Variants in HMBOX1 observed in about 807,000 individuals in gnomAD.
HMBOX1 encodes homeobox containing 1.
In HMBOX1, 14 loss-of-function variants were observed where a neutral mutation model predicts 54.5. The observed-to-expected ratio is 0.26, with a 90% CI of 0.17 to 0.40. The LOEUF (loss-of-function observed/expected upper bound fraction) is 0.40, where lower values mean the gene tolerates loss of function less well. HMBOX1 is among the 10% of genes least tolerant of loss of function. The pLI, the probability that HMBOX1 is intolerant of heterozygous loss-of-function variation, is 1.00. For missense variants in HMBOX1, 332 were observed against 514.4 expected (o/e 0.65, Z 3.43); for synonymous variants, 160 against 181.0 (o/e 0.88, Z 0.93).
intron 1 of HMBOX1, among the ~76,000 whole-genome samples, chr8:28,894,012 T>TA (rs909971559): frequency 6.6e-6 from 1 of 152,226 alleles, no homozygotes; most frequent in African/African-American, 2.4e-5. Context: ...CTCAACTTTT[T>TA]AAATACATGA....
chr8:29,042,167 T>C (rs557349970), intron 6 of HMBOX1, among the ~76,000 whole-genome samples: 1 of 152,018 alleles, frequency 6.6e-6, no homozygotes, highest in African/African-American at 2.4e-5. Context: ...ATATGTATTA[T>C]AAAAACAGTG....
chr8:29,048,194 C>T (rs577223186), intron 8 of HMBOX1, among the ~76,000 whole-genome samples: 44 of 152,176 alleles, frequency 2.9e-4, no homozygotes, highest in East Asian at 9.6e-4. Flanking sequence ...AGACAAGGAA[C>T]GCAGCAAAAG....
intron 1 of HMBOX1, among the ~76,000 whole-genome samples, chr8:28,894,991 A>C (rs1811820407): frequency 6.6e-6 from 1 of 151,828 alleles, no homozygotes; most frequent in African/African-American, 2.4e-5. Context: ...TGAAGTGATC[A>C]ATTATTTTAA....
intron 6 of HMBOX1, among the ~76,000 whole-genome samples, chr8:29,036,085 C>T (rs1803811216): frequency 6.6e-6 from 1 of 152,158 alleles, no homozygotes; most frequent in African/African-American, 2.4e-5. Context: ...ATAAAGTGTA[C>T]TAAAAACTCA....
chr8:29,018,012 TATG>T (rs1364754186), intron 5 of HMBOX1, among the ~76,000 whole-genome samples: 1 of 152,208 alleles, frequency 6.6e-6, no homozygotes, highest in Admixed American at 6.5e-5. Context: ...AGAAGACCGA[TATG>T]ATCATAATTA....
At chr8:28,940,713 T>G (rs577703460) in intron 1 of HMBOX1, among the ~76,000 whole-genome samples, 2 of 152,328 alleles carry the variant, frequency 1.3e-5, no homozygotes, top group South Asian at 4.1e-4. Flanking sequence ...GATACGTAAT[T>G]TATCTCTTAA....
At chr8:29,038,646 T>C (rs1178453713) in intron 6 of HMBOX1, among the ~76,000 whole-genome samples, 1 of 152,144 alleles carries the variant, frequency 6.6e-6, no homozygotes, top group Non-Finnish European at 1.5e-5. Flanking sequence ...GAATGCATTT[T>C]ATCACCATTC....
chr8:28,903,072 C>A (rs1437728437), intron 1 of HMBOX1, among the ~76,000 whole-genome samples: 1 of 152,016 alleles, frequency 6.6e-6, no homozygotes, highest in Admixed American at 6.6e-5. Flanking sequence ...ATAATATAAC[C>A]ATTTACCCAC....
chr8:28,986,365 C>T (rs1381861993), intron 4 of HMBOX1, among the ~76,000 whole-genome samples: 1 of 152,188 alleles, frequency 6.6e-6, no homozygotes, highest in Non-Finnish European at 1.5e-5. Flanking sequence ...AATAAAGCTG[C>T]TATAAACAAG....
At chr8:29,048,491 T>C (rs1805940955) in intron 8 of HMBOX1, 1 of 152,316 alleles carries the variant, frequency 6.6e-6, no homozygotes, top group Non-Finnish European at 1.5e-5. Context: ...TGTTGGTTTT[T>C]AGCTTCTAAA....
intron 1 of HMBOX1, among the ~76,000 whole-genome samples, chr8:28,952,158 TAAA>T (rs3053470): frequency 4.7e-5 from 6 of 127,800 alleles, no homozygotes; most frequent in Non-Finnish European, 3.2e-5. Context: ...GACCCTATCT[TAAA>T]AAAAAAAAAA....
At chr8:29,017,540 A>G (rs1427297571) in intron 5 of HMBOX1, among the ~76,000 whole-genome samples, 1 of 152,254 alleles carries the variant, frequency 6.6e-6, no homozygotes, top group Non-Finnish European at 1.5e-5. Flanking sequence ...TATTTTGAAG[A>G]TAAAATGAAC....
At chr8:28,929,115 A>G (rs1173957301) in intron 1 of HMBOX1, among the ~76,000 whole-genome samples, 1 of 152,220 alleles carries the variant, frequency 6.6e-6, no homozygotes, top group East Asian at 1.9e-4. Context: ...CCTTAAATAC[A>G]TATAATTTCT....
intron 1 of HMBOX1, among the ~76,000 whole-genome samples, chr8:28,948,327 C>T (rs553664603): frequency 3.3e-5 from 5 of 152,214 alleles, no homozygotes; most frequent in African/African-American, 1.2e-4. Flanking sequence ...ACCCATGCAA[C>T]AGGTGCTTAG....
intron 1 of HMBOX1, among the ~76,000 whole-genome samples, chr8:28,900,377 C>G (rs1028213683): frequency 6.7e-6 from 1 of 149,498 alleles, no homozygotes; most frequent in Non-Finnish European, 1.5e-5. Flanking sequence ...TCAGGTAATT[C>G]TAATTGGTAT....
At chr8:28,913,883 G>A (rs1201963602) in intron 1 of HMBOX1, among the ~76,000 whole-genome samples, 2 of 147,036 alleles carry the variant, frequency 1.4e-5, no homozygotes, top group Non-Finnish European at 3.0e-5. Context: ...TTTTGCGGGG[G>A]CGGAGGGATG....
intron 1 of HMBOX1, among the ~76,000 whole-genome samples, chr8:28,931,200 C>G (rs1464293327): frequency 6.6e-6 from 1 of 152,066 alleles, no homozygotes; most frequent in Admixed American, 6.5e-5. Context: ...TTTTCAACAC[C>G]TAATATATAT....
intron 6 of HMBOX1, among the ~76,000 whole-genome samples, chr8:29,032,741 T>C (rs1439036478): frequency 1.3e-5 from 2 of 152,214 alleles, no homozygotes; most frequent in Non-Finnish European, 2.9e-5. Flanking sequence ...AAGTCTGATA[T>C]TACAGAGTGT....
chr8:29,050,372 T>C, intron 9 of HMBOX1: 1 of 254,608 alleles, frequency 3.9e-6, no homozygotes, highest in Non-Finnish European at 6.2e-6. Context: ...GAGGACAGCT[T>C]CACACTAGTT....
Sources: allele counts gnomAD v4.1 joint callset (sites outside exome capture counted in the v4.1 genomes callset), GRCh38; gene constraint gnomAD v4.1.1; transcripts MANE v1.5; gene names NCBI Gene and HGNC (gene_info 2026-07-23, HGNC 2026-07-21).